The following F2RL1 variants were observed in gnomAD, a reference collection of about 807,000 sequenced individuals.
The protein encoded by F2RL1 is proteinase-activated receptor 2.
In F2RL1, 16 loss-of-function variants were observed where a neutral mutation model predicts 21.7. The ratio of observed to expected loss-of-function variants is 0.74; its 90% CI spans 0.50 to 1.12. The LOEUF (loss-of-function observed/expected upper bound fraction) is 1.12. F2RL1 is among the 50% of genes most tolerant of loss of function. The pLI, the probability that F2RL1 is intolerant of heterozygous loss-of-function variation, is 0.00. For missense variants in F2RL1, 432 were observed against 477.8 expected (o/e 0.90, Z 0.89); for synonymous variants, 181 against 186.7 (o/e 0.97, Z 0.25).
In F2RL1 at chr5:76,833,059, T is replaced by G. The variant is rs1442301178; in HGVS notation, c.452T>G (p.Leu151Arg). The change falls in exon 2 of 2, where the codon CTT becomes CGT. Residue 151 changes from leucine to arginine, a missense_variant. Leu to Arg is a moderately radical substitution (Grantham distance 102). Transcript: ENST00000296677. ...TATGGGGAAGCTCTTTGTAATGTGCTTATTGGCTTTTTCTATGGCAACATG... is the reference window on the plus strand; with the variant it reads ...TATGGGGAAGCTCTTTGTAATGTGCGTATTGGCTTTTTCTATGGCAACATG... ...WIYGEALCNV[L>R]IGFFYGNMYC... 5 of 1,614,114 alleles carry G rather than the reference T, an allele frequency of 3.1e-6. No individual in the cohort carries two copies. In the African/African-American group the frequency reaches 6.7e-5, roughly 22 times the overall value.
At chr5:76,820,836 A>G (rs1398746930) in intron 1 of F2RL1, among the ~76,000 whole-genome samples, 1 of 152,108 alleles carries the variant, frequency 6.6e-6, no homozygotes, top group Non-Finnish European at 1.5e-5. Context: ...TTAATATTGC[A>G]CCTTGTTCCT....
chr5:76,824,466 T>G (rs1192977339), intron 1 of F2RL1, among the ~76,000 whole-genome samples: 1 of 151,540 alleles, frequency 6.6e-6, no homozygotes, highest in Non-Finnish European at 1.5e-5. Context: ...GTAGCTGGGA[T>G]TACAGGTGCC....
chr5:76,827,325 CAA>C (rs764040748), intron 1 of F2RL1, among the ~76,000 whole-genome samples: 18,218 of 87,368 alleles, frequency 0.21, 1,442 homozygotes, highest in South Asian at 0.29. Flanking sequence ...ACTAAAAATA[CAA>C]AAAAAAAAAA....
intron 1 of F2RL1, among the ~76,000 whole-genome samples, chr5:76,820,279 A>T (rs1426654058): frequency 6.6e-6 from 1 of 152,166 alleles, no homozygotes; most frequent in Non-Finnish European, 1.5e-5. Context: ...TGTGATCCTA[A>T]CCGAGGCCCC....
chr5:76,821,967 A>G (rs1026850201), intron 1 of F2RL1, among the ~76,000 whole-genome samples: 5 of 152,120 alleles, frequency 3.3e-5, no homozygotes, highest in African/African-American at 1.2e-4. Flanking sequence ...ATTTAATTAA[A>G]TCACCCTGAA....
At chr5:76,829,260 CTTCTT>C (rs144623437) in intron 1 of F2RL1, among the ~76,000 whole-genome samples, 71,738 of 143,008 alleles carry the variant, frequency 0.5, 17,481 homozygotes, top group South Asian at 0.7. Flanking sequence ...TCTTCTTCTT[CTTCTT>C]TTTTTTTTTT....
chr5:76,833,736 A>C lies in F2RL1; in HGVS notation c.1129A>C (p.Lys377Gln). 6.2e-7 allele frequency: 1 copy of C among 1,613,940 alleles called. No homozygotes were observed. Among genetic ancestry groups the C allele is most frequent in the Non-Finnish European group, 8.5e-7 (1 of 1,180,012 alleles). Residue 377 changes from lysine (K) to glutamine (Q), a missense_variant, in exon 2 of 2, where the codon AAG (lysine) becomes CAG (glutamine). Physicochemically the swap from Lys to Gln is moderately conservative, Grantham distance 53. Coordinates refer to ENST00000296677, the MANE Select transcript of F2RL1 (RefSeq NM_005242.6). The part of the protein sequence containing the change: ...VKQMQVSLTS[K>Q]KHSRKSSSYS... ...GCAGATGCAAGTATCCCTCACCTCAAAGAAACACTCCAGGAAATCCAGCTC... is the reference window on the plus strand; with the variant it reads ...GCAGATGCAAGTATCCCTCACCTCACAGAAACACTCCAGGAAATCCAGCTC...
chr5:76,821,889 T>C (rs1750142580), intron 1 of F2RL1, among the ~76,000 whole-genome samples: 1 of 152,058 alleles, frequency 6.6e-6, no homozygotes, highest in Admixed American at 6.5e-5. Context: ...CCTATAATTG[T>C]TTTTTAAATT....
intron 1 of F2RL1, among the ~76,000 whole-genome samples, chr5:76,829,609 C>T (rs1750312808): frequency 1.3e-5 from 2 of 152,148 alleles, no homozygotes; most frequent in Non-Finnish European, 2.9e-5. Context: ...CTGAATCCAA[C>T]ACCAAATTAA....
At chr5:76,826,613 C>T (rs1393784013) in intron 1 of F2RL1, among the ~76,000 whole-genome samples, 1 of 150,620 alleles carries the variant, frequency 6.6e-6, no homozygotes, top group Non-Finnish European at 1.5e-5. Flanking sequence ...TCAAGTGATT[C>T]TCCTGCCTCA....
Position 76,825,151 on chromosome 5 carries a change from C to T in F2RL1, c.82+5887C>T, listed in dbSNP as rs146578906. On this transcript the variant is annotated intron_variant, in intron 1 of 1. Coordinates refer to ENST00000296677, the MANE Select transcript of F2RL1 (RefSeq NM_005242.6). ...CCTCTGGAGTAGCTGGGACTACAGG[C>T]GCGTGCACTACACTTAGCTAATTTT... Among the ~76,000 whole-genome samples, 800 of 151,852 alleles carry T rather than the reference C, an allele frequency of 5.3e-3. 7 individuals are homozygous for T. Among genetic ancestry groups the T allele is most frequent in the Non-Finnish European group, 6.2e-3 (424 of 67,956 alleles).
intron 1 of F2RL1, among the ~76,000 whole-genome samples, chr5:76,823,223 C>T (rs950849978): frequency 1.7e-5 from 2 of 118,884 alleles, no homozygotes; most frequent in Non-Finnish European, 3.5e-5. Context: ...GAGTGAGACT[C>T]AGTCTCAAAA....
chr5:76,824,168 C>A (rs987483826), intron 1 of F2RL1, among the ~76,000 whole-genome samples: 1,852 of 147,404 alleles, frequency 0.013, 25 homozygotes, highest in Non-Finnish European at 0.02. Flanking sequence ...CACCCCCCCC[C>A]CCTTTTTTTT....
rs557705208 is a variant in F2RL1 at position 76,828,709 on chromosome 5, GT to G, written c.83-3980del. On this transcript the variant is annotated intron_variant, in intron 1 of 1. Transcript: ENST00000296677. The stretch of plus-strand genomic sequence containing the variant: ...CGGTCTTGCTATGTTGGCCAGGCTG[GT>G]CTCAAACTCTTGGCCTCGAGCAATC... Among the ~76,000 whole-genome samples the G allele has an allele frequency of 5.9e-5, 9 of 151,582 alleles. 1 individual carries two copies. In the East Asian group the frequency reaches 1.7e-3, roughly 29 times the overall value.
intron 1 of F2RL1, among the ~76,000 whole-genome samples, chr5:76,822,472 C>T (rs1750156712): frequency 6.6e-6 from 1 of 152,170 alleles, no homozygotes; most frequent in Non-Finnish European, 1.5e-5. Context: ...CCTGCCTCAG[C>T]CTCCCAAAGT....
At chr5:76,832,020 A>AT (rs1348758876) in intron 1 of F2RL1, among the ~76,000 whole-genome samples, 1 of 151,898 alleles carries the variant, frequency 6.6e-6, no homozygotes, top group Non-Finnish European at 1.5e-5. Context: ...AAAAAAAAAA[A>AT]AATAATAAGT....
chr5:76,826,052 A>G (rs572169648), intron 1 of F2RL1, among the ~76,000 whole-genome samples: 19 of 152,268 alleles, frequency 1.2e-4, no homozygotes, highest in African/African-American at 1.7e-4. Flanking sequence ...CCACCACTCA[A>G]CTTCAATAAT....
intron 1 of F2RL1, among the ~76,000 whole-genome samples, chr5:76,825,294 C>A (rs1231631552): frequency 6.6e-6 from 1 of 152,120 alleles, no homozygotes; most frequent in Non-Finnish European, 1.5e-5. Context: ...TGTGAGCCAC[C>A]ATGCCTGGCC....
At position 76,834,855 on chromosome 5, in the gene F2RL1, G is replaced by A. The variant is rs1390959666; in HGVS notation, c.*1054G>A. ...AAGCAAACAATGGTGTCTCTTTTAT[G>A]TTCAGCTTATAATGAAATCTGTTTG... is the stretch of plus-strand genomic sequence containing the variant. On this transcript the variant is annotated 3_prime_UTR_variant, in exon 2 of 2. Coordinates refer to ENST00000296677, the MANE Select transcript of F2RL1 (RefSeq NM_005242.6). 1.3e-5 allele frequency: 2 copies of A among 152,146 alleles called. No homozygotes were observed. The highest frequency in any genetic ancestry group is 4.8e-5 in the African/African-American group (2 of 41,394). 9.4% of individuals were successfully genotyped at this position (152,146 alleles called of 1,614,324 possible). A position where few individuals can be genotyped will look rare whatever the true frequency, so the allele number is the denominator to read the frequency against.
Sources: gnomAD v4.1 joint callset for allele counts (sites outside exome capture counted in the v4.1 genomes callset) on GRCh38, gnomAD v4.1.1 for gene constraint, MANE v1.5 for transcripts, NCBI Gene and HGNC (gene_info 2026-07-23, HGNC 2026-07-21) for gene names.